TECRL: variants seen among roughly 807,000 people sequenced by gnomAD.
The protein encoded by TECRL is trans-2,3-enoyl-CoA reductase like.
TECRL carries 63 observed loss-of-function variants against 52.8 expected under a neutral mutation model. That is an observed-to-expected ratio of 1.19 (90% CI 0.97 to 1.47). The LOEUF is 1.47. TECRL is among the 40% of genes most tolerant of loss of function. TECRL has a pLI of 0.00. For missense variants in TECRL, 482 were observed against 429.6 expected, an observed-to-expected ratio of 1.12 and a Z score of -1.08; for synonymous variants, 164 against 141.9, an observed-to-expected ratio of 1.16 and a Z score of -1.10.
chr4:64,406,892 A>T (rs1018925856), intron 1 of TECRL, among the ~76,000 whole-genome samples: 10 of 152,132 alleles, frequency 6.6e-5, no homozygotes, highest in African/African-American at 2.4e-4. Context: ...AAAGGCACTT[A>T]ATATGATCTT....
At chr4:64,385,724 T>A (rs1200094687) in intron 1 of TECRL, among the ~76,000 whole-genome samples, 1 of 152,056 alleles carries the variant, frequency 6.6e-6, no homozygotes, top group Non-Finnish European at 1.5e-5. Context: ...TCTTAAGAGA[T>A]GTGTGGAACG....
In TECRL at chr4:64,396,304, C is replaced by T. The variant is rs1275570514; in HGVS notation, c.234+12814G>A. Among the ~76,000 whole-genome samples the T allele has an allele frequency of 2.0e-5, 3 of 152,082 alleles. 1 individual carries two copies. Among genetic ancestry groups the T allele is most frequent in the East Asian group, 1.9e-4 (1 of 5,194 alleles). ...TTCCACCAGGAGTACATAAGTATTC[C>T]CTTTTCTCTAGAACCTTGCCAGCAT... is the stretch of plus-strand genomic sequence containing the variant. On this transcript the variant is annotated intron_variant, in intron 1 of 11. Transcript: ENST00000381210.
chr4:64,394,907 A>ATTTTTTTTT (rs751448355), intron 1 of TECRL, among the ~76,000 whole-genome samples: 1 of 105,116 alleles, frequency 9.5e-6, no homozygotes, highest in East Asian at 2.7e-4. Flanking sequence ...ATTAACAAGC[A>ATTTTTTTTT]TTTTTTTTTT....
chr4:64,397,236 A>T (rs1724018264), intron 1 of TECRL, among the ~76,000 whole-genome samples: 1 of 152,156 alleles, frequency 6.6e-6, no homozygotes, highest in Admixed American at 6.5e-5. Flanking sequence ...AACTAAATTT[A>T]ACTAAAATAA....
At position 64,395,126 on chromosome 4, in the gene TECRL, G is replaced by T. The variant is rs916580798; in HGVS notation, c.234+13992C>A. Among the ~76,000 whole-genome samples the T allele has an allele frequency of 9.2e-5, 14 of 151,780 alleles. 1 individual carries two copies. The South Asian group carries it at 2.3e-3, about 25-fold the overall frequency. ...AGATTGGCCAGGCTGGTCTATGTTG[G>T]CCAGGCTGGTCTCAAACTCCTGGCC... On this transcript the variant is annotated intron_variant, in intron 1 of 11. Coordinates refer to ENST00000381210, the MANE Select transcript of TECRL (RefSeq NM_001010874.5).
At chr4:64,342,114 A>T (rs960464011) in intron 2 of TECRL, among the ~76,000 whole-genome samples, 1 of 152,078 alleles carries the variant, frequency 6.6e-6, no homozygotes, top group Non-Finnish European at 1.5e-5. Context: ...GAAAAGCAAC[A>T]CCCTAAAAAT....
chr4:64,300,215 C>T (rs1284178435), intron 7 of TECRL, among the ~76,000 whole-genome samples, 198 bp from the exon 8 acceptor site: 2 of 150,084 alleles, frequency 1.3e-5, no homozygotes, highest in African/African-American at 4.9e-5. Context: ...TTGTTATTAA[C>T]ATAATGATAT....
chr4:64,406,083 A>G (rs112706373), intron 1 of TECRL, among the ~76,000 whole-genome samples: 3,238 of 152,104 alleles, frequency 0.021, 52 homozygotes, highest in Middle Eastern at 0.034. Context: ...AAGGAAAGTA[A>G]TGAGAGAAAT....
At chr4:64,310,258 A>G (rs1353416248) in intron 5 of TECRL, among the ~76,000 whole-genome samples, 1 of 152,208 alleles carries the variant, frequency 6.6e-6, no homozygotes, top group African/African-American at 2.4e-5. Flanking sequence ...ATATCGAAAT[A>G]CTTCGACTGA....
intron 1 of TECRL, among the ~76,000 whole-genome samples, chr4:64,378,134 G>A (rs918848870): frequency 6.6e-6 from 1 of 152,040 alleles, no homozygotes; most frequent in Non-Finnish European, 1.5e-5. Context: ...ACACAGAGAA[G>A]TACAAAATGC....
At chr4:64,298,211 T>A (rs1032737270) in intron 8 of TECRL, among the ~76,000 whole-genome samples, 3 of 151,198 alleles carry the variant, frequency 2.0e-5, no homozygotes, top group African/African-American at 7.2e-5. Flanking sequence ...TGCTATGTGC[T>A]TAAATGTGCA....
At chr4:64,395,958 G>C (rs553758493) in intron 1 of TECRL, among the ~76,000 whole-genome samples, 22 of 152,218 alleles carry the variant, frequency 1.4e-4, no homozygotes, top group Non-Finnish European at 3.1e-4. Context: ...AATTCACTTA[G>C]GATAATGGCC....
In TECRL at chr4:64,322,763, T is replaced by A; in HGVS notation, c.361A>T (p.Ile121Phe). Reference sequence around the variant, plus strand: ...ATGGAGGAAGCTGCAATACTTTGAATGGTAATGTAGTCCTTCAAAAAAGGC... The same window carrying A: ...ATGGAGGAAGCTGCAATACTTTGAAAGGTAATGTAGTCCTTCAAAAAAGGC... Reference protein sequence around the residue: ...GGPFLKDYITIQSIAASSIVT... With the variant: ...GGPFLKDYITFQSIAASSIVT... The change falls in exon 4 of 12, where the codon ATT becomes TTT. Residue 121 changes from isoleucine (I) to phenylalanine (F), a missense_variant. Transcript: ENST00000381210. 6.2e-7 allele frequency: 1 copy of A among 1,611,990 alleles called. No homozygotes were observed. The highest frequency in any genetic ancestry group is 1.3e-5 in the African/African-American group (1 of 74,986).
intron 2 of TECRL, among the ~76,000 whole-genome samples, chr4:64,347,104 T>C (rs1200294523): frequency 6.6e-6 from 1 of 152,154 alleles, no homozygotes; most frequent in Admixed American, 6.5e-5. Context: ...GCCTTTACAA[T>C]CCTGAATTGT....
intron 2 of TECRL, among the ~76,000 whole-genome samples, chr4:64,344,501 T>C (rs1403520191): frequency 3.9e-5 from 6 of 152,156 alleles, no homozygotes; most frequent in Non-Finnish European, 8.8e-5. Context: ...TGCATTCAGA[T>C]TGGAAAGTAG....
intron 1 of TECRL, among the ~76,000 whole-genome samples, chr4:64,396,700 T>C (rs931514076): frequency 1.2e-4 from 19 of 152,198 alleles, no homozygotes; most frequent in African/African-American, 4.6e-4. Context: ...GTAATTGCTT[T>C]GGGAGTCTTC....
At chr4:64,295,947 A>G (rs975350354) in intron 8 of TECRL, among the ~76,000 whole-genome samples, 1 of 151,982 alleles carries the variant, frequency 6.6e-6, no homozygotes, top group Non-Finnish European at 1.5e-5. Context: ...ATTCCTGTGT[A>G]TGTTATTCTT....
At chr4:64,391,064 A>T (rs962869485) in intron 1 of TECRL, among the ~76,000 whole-genome samples, 1 of 151,814 alleles carries the variant, frequency 6.6e-6, no homozygotes, top group Non-Finnish European at 1.5e-5. Flanking sequence ...ATTACTTTTT[A>T]AATTTAACTA....
At position 64,351,561 on chromosome 4, in the gene TECRL, C is replaced by G. The variant is rs183059976; in HGVS notation, c.287-23005G>C. 2.2e-3 allele frequency among the ~76,000 whole-genome samples: 339 copies of G among 152,198 alleles called. 4 individuals are homozygous for G. The highest frequency in any genetic ancestry group is 7.4e-3 in the African/African-American group (307 of 41,542). On this transcript the variant is annotated intron_variant, in intron 2 of 11. Transcript: ENST00000381210. ...GTTCTGGGATTACAAGAGTGAGTCA[C>G]TGTGCCCAGCCAAAGGGACAACTTT...
Sources: allele counts gnomAD v4.1 joint callset (sites outside exome capture counted in the v4.1 genomes callset), GRCh38; gene constraint gnomAD v4.1.1; transcripts MANE v1.5; gene names NCBI Gene and HGNC (gene_info 2026-07-23, HGNC 2026-07-21).